The following CSMD1 variants were observed in gnomAD, a reference collection of about 807,000 sequenced individuals.
CSMD1 encodes CUB and sushi domain-containing protein 1.
CSMD1 carries 213 observed loss-of-function variants against 417.5 expected under a neutral mutation model. That is an observed-to-expected ratio of 0.51 (90% CI 0.46 to 0.57). The LOEUF (loss-of-function observed/expected upper bound fraction) is 0.57, where lower values mean the gene tolerates loss of function less well. Ranked by LOEUF, CSMD1 falls within the 20% of genes least tolerant of loss-of-function variation. The pLI is 0.00. For missense variants in CSMD1, 6,923 were observed against 4,529.7 expected (o/e 1.53, Z -15.17); for synonymous variants, 2,862 against 1,736.8 (o/e 1.65, Z -16.11).
intron 1 of CSMD1, among the ~76,000 whole-genome samples, chr8:4,792,983 A>AAT (rs34947549): frequency 0.01 from 1,549 of 148,604 alleles, 17 homozygotes; most frequent in Middle Eastern, 0.028. Flanking sequence ...ATGTGTATGC[A>AAT]ATATATATAT....
intron 1 of CSMD1, among the ~76,000 whole-genome samples, chr8:4,877,070 T>C (rs1036494065): frequency 6.6e-6 from 1 of 152,108 alleles, no homozygotes; most frequent in Non-Finnish European, 1.5e-5. Context: ...TTAACAGTTA[T>C]TTCTTTCAAA....
intron 3 of CSMD1, among the ~76,000 whole-genome samples, chr8:4,416,899 C>T (rs1796972488): frequency 6.6e-6 from 1 of 151,970 alleles, no homozygotes; most frequent in Non-Finnish European, 1.5e-5. Context: ...CAAAACTGGG[C>T]ATATCTAGGA....
At chr8:4,750,211 G>T (rs1183011498) in intron 1 of CSMD1, among the ~76,000 whole-genome samples, 3 of 151,854 alleles carry the variant, frequency 2.0e-5, no homozygotes, top group Admixed American at 6.6e-5. Context: ...GTTTCACCGT[G>T]TTAGCCACGA....
rs956286862 is a variant in CSMD1 at position 3,632,715 on chromosome 8, G to C, written c.1010-15918C>G. Among the ~76,000 whole-genome samples the C allele has an allele frequency of 7.2e-5, 11 of 152,194 alleles. 1 individual carries two copies. Among genetic ancestry groups the C allele is most frequent in the South Asian group, 4.1e-4 (2 of 4,822 alleles). On this transcript the variant is annotated intron_variant, in intron 7 of 69. Transcript: ENST00000635120. ...CTATTTAGGCACAGGAATGACTTCA[G>C]TTAAAAAGATGACCACACCAATGTC...
chr8:3,491,619 G>A (rs991426336), intron 11 of CSMD1, among the ~76,000 whole-genome samples: 2 of 152,180 alleles, frequency 1.3e-5, no homozygotes, highest in Non-Finnish European at 2.9e-5. Context: ...AAGGAGTCGT[G>A]TCCCTGGTGG....
At chr8:3,562,564 C>T (rs577317251) in intron 10 of CSMD1, among the ~76,000 whole-genome samples, 1 of 152,196 alleles carries the variant, frequency 6.6e-6, no homozygotes, top group African/African-American at 2.4e-5. Flanking sequence ...CCACTTAAAA[C>T]TCTCCCTTAA....
At chr8:4,486,740 A>T (rs562621818) in intron 2 of CSMD1, among the ~76,000 whole-genome samples, 1 of 152,292 alleles carries the variant, frequency 6.6e-6, no homozygotes, top group South Asian at 2.1e-4. Context: ...CCTTCATGGA[A>T]GAAAGCCACT....
chr8:4,742,622 G>A (rs988074717), intron 1 of CSMD1, among the ~76,000 whole-genome samples: 1 of 151,818 alleles, frequency 6.6e-6, no homozygotes, highest in South Asian at 2.1e-4. Context: ...TATTAATACT[G>A]CTTCTATTAT....
chr8:4,101,143 T>G (rs1465914918), intron 3 of CSMD1, among the ~76,000 whole-genome samples: 2 of 152,216 alleles, frequency 1.3e-5, no homozygotes, highest in African/African-American at 2.4e-5. Context: ...GCAGGACACT[T>G]AAGAACCACT....
At chr8:4,437,911 G>C (rs1202890799) in intron 2 of CSMD1, among the ~76,000 whole-genome samples, 2 of 152,156 alleles carry the variant, frequency 1.3e-5, no homozygotes, top group African/African-American at 2.4e-5. Flanking sequence ...CCGGCTCTCA[G>C]GCTTGGACAT....
intron 3 of CSMD1, among the ~76,000 whole-genome samples, chr8:4,046,708 A>ATT (rs1003068744): frequency 1.1e-4 from 17 of 152,342 alleles, no homozygotes; most frequent in Admixed American, 3.9e-4. Context: ...TGTAGATATT[A>ATT]TTTAAATGAC....
At chr8:3,181,054 T>TA (rs777218900) in intron 37 of CSMD1, 56 bp downstream of exon 37, 134 of 1,075,066 alleles carry the variant, frequency 1.2e-4, no homozygotes, top group Middle Eastern at 4.0e-4. Flanking sequence ...ATTTTTTCTT[T>TA]AAAAAAATGA....
intron 1 of CSMD1, among the ~76,000 whole-genome samples, chr8:4,869,924 C>A (rs1291282438): frequency 6.6e-6 from 1 of 151,844 alleles, no homozygotes. Context: ...TAAAAGTGGT[C>A]TCTTATATTG....
At chr8:3,264,002 A>T (rs1801264102) in intron 26 of CSMD1, among the ~76,000 whole-genome samples, 1 of 152,202 alleles carries the variant, frequency 6.6e-6, no homozygotes, top group African/African-American at 2.4e-5. Context: ...AAAGATCCTT[A>T]ATTTGTTTAT....
At position 3,348,024 on chromosome 8, in the gene CSMD1, T is replaced by C. The variant is rs760169285; in HGVS notation, c.3442A>G (p.Ser1148Gly). ...AGKGIHLRTR[S>G]FQLFEGDTLK... ...GTATCTCCTTCAAACAGCTGGAAGC[T>C]TCGTGTTCTAAGGTGGATGCCCTTG... Residue 1148 changes from serine to glycine, a missense_variant, in exon 22 of 70, where the codon AGC (serine) becomes GGC (glycine). By Grantham distance (56) the Ser-to-Gly change is moderately conservative. Coordinates refer to ENST00000635120, the MANE Select transcript of CSMD1 (RefSeq NM_033225.6). 6.2e-7 allele frequency: 1 copy of C among 1,606,966 alleles called. No homozygotes were observed. Among genetic ancestry groups the C allele is most frequent in the Non-Finnish European group, 8.5e-7 (1 of 1,176,420 alleles).
chr8:3,891,160 C>T (rs1033306633), intron 5 of CSMD1, among the ~76,000 whole-genome samples: 2 of 152,052 alleles, frequency 1.3e-5, no homozygotes, highest in African/African-American at 4.8e-5. Flanking sequence ...GTGATCCTCC[C>T]TCAGCCTCCC....
intron 3 of CSMD1, among the ~76,000 whole-genome samples, chr8:4,105,858 G>A (rs1223627866): frequency 1.3e-5 from 2 of 152,176 alleles, no homozygotes; most frequent in African/African-American, 4.8e-5. Flanking sequence ...TGAGCTTCCC[G>A]GGACAACAGA....
At chr8:4,063,657 G>T (rs1428791519) in intron 3 of CSMD1, among the ~76,000 whole-genome samples, 1 of 152,180 alleles carries the variant, frequency 6.6e-6, no homozygotes, top group African/African-American at 2.4e-5. Context: ...CTGCCTCCCT[G>T]AGGGGCATTC....
intron 50 of CSMD1, among the ~76,000 whole-genome samples, chr8:3,051,838 T>C (rs911786224): frequency 6.6e-6 from 1 of 152,208 alleles, no homozygotes; most frequent in African/African-American, 2.4e-5. Context: ...ACTATTCTTC[T>C]GGTGGGTTTT....
Sources: gnomAD v4.1 joint callset for allele counts (sites outside exome capture counted in the v4.1 genomes callset) on GRCh38, gnomAD v4.1.1 for gene constraint, MANE v1.5 for transcripts, NCBI Gene and HGNC (gene_info 2026-07-23, HGNC 2026-07-21) for gene names.